The following PRIM2 variants were observed in gnomAD, a reference collection of about 807,000 sequenced individuals.
PRIM2 encodes the protein DNA primase large subunit.
Under a neutral mutation model 67.3 loss-of-function variants are expected in PRIM2, and 39 were observed. That is an observed-to-expected ratio of 0.58 (90% CI 0.45 to 0.76). PRIM2 has a LOEUF of 0.76. PRIM2 is among the 30% of genes least tolerant of loss of function. The pLI, the probability that PRIM2 is intolerant of heterozygous loss-of-function variation, is 0.00. For synonymous variants in PRIM2, 143 were observed against 198.7 expected, an observed-to-expected ratio of 0.72 and a Z score of 2.36; for missense variants, 398 against 598.7, an observed-to-expected ratio of 0.66 and a Z score of 3.50.
intron 8 of PRIM2, among the ~76,000 whole-genome samples, chr6:57,518,891 C>T (rs1554348558): frequency 2.0e-5 from 3 of 152,086 alleles, no homozygotes; most frequent in Non-Finnish European, 2.9e-5. Context: ...GACTTATTAT[C>T]GGGGAACCTG....
the PRIM2 span, among the ~76,000 whole-genome samples, chr6:57,255,121 C>T: frequency 7.2e-5 from 11 of 152,262 alleles, no homozygotes; most frequent in East Asian, 1.9e-3. Context: ...CACCTCAATT[C>T]CTTTATTTAA....
At chr6:57,641,858 T>A (rs1413236390) in intron 13 of PRIM2, among the ~76,000 whole-genome samples, 1 of 152,170 alleles carries the variant, frequency 6.6e-6, no homozygotes, top group East Asian at 1.9e-4. Flanking sequence ...GAAATATCAT[T>A]TGACCCAGCA....
the PRIM2 span, among the ~76,000 whole-genome samples, chr6:57,292,357 A>C: frequency 6.6e-6 from 1 of 152,218 alleles, no homozygotes; most frequent in East Asian, 1.9e-4. Context: ...GGACACAAAC[A>C]AATGGAAGAA....
intron 10 of PRIM2, among the ~76,000 whole-genome samples, chr6:57,557,901 T>G (rs1775548306): frequency 1.3e-5 from 2 of 152,068 alleles, no homozygotes; most frequent in South Asian, 4.1e-4. Flanking sequence ...TGGAGACAGA[T>G]ACCACATTTT....
At chr6:57,547,281 TA>T in intron 10 of PRIM2, among the ~76,000 whole-genome samples, 1 of 152,290 alleles carries the variant, frequency 6.6e-6, no homozygotes, top group East Asian at 1.9e-4. Flanking sequence ...ATTTTAGATA[TA>T]GGGGGTACAT....
chr6:57,281,602 T>G, the PRIM2 span, among the ~76,000 whole-genome samples: 2 of 152,162 alleles, frequency 1.3e-5, no homozygotes, highest in Non-Finnish European at 2.9e-5. Context: ...ATGCCCAACC[T>G]GAAACCCAAC....
At chr6:57,258,427 T>G in the PRIM2 span, among the ~76,000 whole-genome samples, 1 of 152,172 alleles carries the variant, frequency 6.6e-6, no homozygotes, top group Non-Finnish European at 1.5e-5. Context: ...GTTAACACTA[T>G]TTCTGCACTT....
intron 5 of PRIM2, among the ~76,000 whole-genome samples, chr6:57,359,800 C>T (rs1482554032): frequency 1.3e-5 from 2 of 152,060 alleles, no homozygotes; most frequent in African/African-American, 4.8e-5. Context: ...CTCTGAGGAG[C>T]CCAGATTACT....
chr6:57,272,314 A>G, the PRIM2 span, among the ~76,000 whole-genome samples: 4 of 152,160 alleles, frequency 2.6e-5, no homozygotes, highest in Non-Finnish European at 4.4e-5. Context: ...GTGCTCCTGT[A>G]TTGGGTGCAT....
chr6:57,294,351 C>A, the PRIM2 span, among the ~76,000 whole-genome samples: 1 of 151,860 alleles, frequency 6.6e-6, no homozygotes, highest in Non-Finnish European at 1.5e-5. Context: ...TGTGATGGTA[C>A]ACACCTGTAA....
At chr6:57,496,072 C>T (rs1249326974) in intron 7 of PRIM2, among the ~76,000 whole-genome samples, 1 of 152,090 alleles carries the variant, frequency 6.6e-6, no homozygotes, top group African/African-American at 2.4e-5. Context: ...ATAGCCATTC[C>T]CAAATGTTAA....
the PRIM2 span, among the ~76,000 whole-genome samples, chr6:57,236,407 C>CT: frequency 1.3e-3 from 198 of 151,510 alleles, 1 homozygote; most frequent in African/African-American, 4.5e-3. Context: ...CCAGAATGAT[C>CT]TTTTTTTTTC....
intron 7 of PRIM2, among the ~76,000 whole-genome samples, chr6:57,459,471 A>G (rs1400935928): frequency 1.3e-5 from 2 of 152,352 alleles, no homozygotes; most frequent in Non-Finnish European, 2.9e-5. Context: ...AGATGCTCTT[A>G]TAACTGATCT....
intron 10 of PRIM2, among the ~76,000 whole-genome samples, chr6:57,586,544 C>T (rs1473159915): frequency 6.6e-6 from 1 of 152,148 alleles, no homozygotes; most frequent in Non-Finnish European, 1.5e-5. Flanking sequence ...ATGACCCTTG[C>T]AAGGATAGAC....
At chr6:57,326,550 C>T (rs1767865055) in intron 5 of PRIM2, among the ~76,000 whole-genome samples, 1 of 151,894 alleles carries the variant, frequency 6.6e-6, no homozygotes, top group Admixed American at 6.6e-5. Context: ...GTGAAACCCC[C>T]ACTCTACAAA....
intron 8 of PRIM2, among the ~76,000 whole-genome samples, chr6:57,520,582 A>G (rs1554348807): frequency 5.3e-5 from 8 of 152,092 alleles, no homozygotes; most frequent in South Asian, 2.1e-4. Flanking sequence ...GAAAATACCA[A>G]TGTAAAGCTG....
chr6:57,535,213 A>G (rs1774979821), intron 9 of PRIM2, among the ~76,000 whole-genome samples: 3 of 152,162 alleles, frequency 2.0e-5, no homozygotes. Context: ...TGGCATGTGC[A>G]TGAGAAGGGT....
At chr6:57,465,780 A>G (rs1218935439) in intron 7 of PRIM2, among the ~76,000 whole-genome samples, 1 of 152,112 alleles carries the variant, frequency 6.6e-6, no homozygotes, top group Non-Finnish European at 1.5e-5. Context: ...ATTGTAATGT[A>G]CATTAGTGCT....
chr6:57,463,120 G>A (rs900313573), intron 7 of PRIM2, among the ~76,000 whole-genome samples: 2 of 152,216 alleles, frequency 1.3e-5, no homozygotes, highest in African/African-American at 4.8e-5. Context: ...GGTGGGAAAA[G>A]CACTGGCTCG....
Sources: gnomAD v4.1 joint callset for allele counts (sites outside exome capture counted in the v4.1 genomes callset) on GRCh38, gnomAD v4.1.1 for gene constraint, MANE v1.5 for transcripts, NCBI Gene and HGNC (gene_info 2026-07-23, HGNC 2026-07-21) for gene names.